ZNF521: variants seen among roughly 807,000 people sequenced by gnomAD.
The protein encoded by ZNF521 is LYST-interacting protein 3.
In ZNF521, 14 loss-of-function variants were observed where a neutral mutation model predicts 105.5. The observed-to-expected ratio is 0.13, with a 90% CI of 0.09 to 0.21. The LOEUF is 0.21. Ranked by LOEUF, ZNF521 falls within the 10% of genes least tolerant of loss-of-function variation. The probability of loss-of-function intolerance (pLI) is 1.00; values close to 1 mark genes in which losing one functional copy is unlikely to be tolerated. For missense variants in ZNF521, 1,233 were observed against 1,629.7 expected (o/e 0.76, Z 4.19); for synonymous variants, 635 against 606.0 (o/e 1.05, Z -0.70).
At chr18:25,349,241 C>T (rs1598498789) in intron 2 of ZNF521, among the ~76,000 whole-genome samples, 1 of 152,144 alleles carries the variant, frequency 6.6e-6, no homozygotes, top group African/African-American at 2.4e-5. Context: ...TCAAGAAAGC[C>T]GGGGTCTCGG....
Position 25,125,195 on chromosome 18 carries a change from A to T in ZNF521, c.3659-33114T>A, listed in dbSNP as rs57573635. Among the ~76,000 whole-genome samples, 257 of 152,212 alleles carry T rather than the reference A, an allele frequency of 1.7e-3. 3 individuals carry two copies. Among genetic ancestry groups the T allele is most frequent in the African/African-American group, 5.8e-3 (240 of 41,554 alleles). ...TGGATTTTCTTCTGTTTTTATTTTC[A>T]GTGAAATTTGAATCTTATCTAGCCA... On this transcript the variant is annotated intron_variant, in intron 5 of 7. Coordinates refer to ENST00000361524, the MANE Select transcript of ZNF521 (RefSeq NM_015461.3).
intron 5 of ZNF521, among the ~76,000 whole-genome samples, chr18:25,151,901 A>C (rs1038593004): frequency 6.6e-6 from 1 of 152,206 alleles, no homozygotes; most frequent in African/African-American, 2.4e-5. Context: ...TGAACAAAAG[A>C]TCTAAGCAAA....
intron 4 of ZNF521, among the ~76,000 whole-genome samples, chr18:25,196,940 C>G (rs887588108): frequency 1.3e-5 from 2 of 151,698 alleles, no homozygotes; most frequent in Non-Finnish European, 3.0e-5. Flanking sequence ...CTTGTTAGCA[C>G]AGTAAAACAT....
At position 25,160,995 on chromosome 18, in the gene ZNF521, G is replaced by A. The variant is rs568267344; in HGVS notation, c.3658+34165C>T. ...CTCCTGAGGCCCCTGGCTCAGCTGT[G>A]GCAAGCTAATAAGGTGACCCTGAAG... On this transcript the variant is annotated intron_variant, in intron 5 of 7. Coordinates refer to ENST00000361524, the MANE Select transcript of ZNF521 (RefSeq NM_015461.3). 2.0e-4 allele frequency among the ~76,000 whole-genome samples: 30 copies of A among 152,182 alleles called. No homozygotes were observed. The East Asian group carries it at 4.1e-3, about 21-fold the overall frequency.
intron 3 of ZNF521, among the ~76,000 whole-genome samples, chr18:25,244,475 CTGT>C (rs758457887): frequency 3.3e-5 from 5 of 152,138 alleles, no homozygotes; most frequent in Non-Finnish European, 7.4e-5. Flanking sequence ...GCCACTCCTC[CTGT>C]TCTAGAGGAG....
At chr18:25,147,598 T>C (rs920693594) in intron 5 of ZNF521, among the ~76,000 whole-genome samples, 6 of 152,182 alleles carry the variant, frequency 3.9e-5, no homozygotes, top group African/African-American at 1.2e-4. Context: ...TTATTTAATA[T>C]TGATCTTTAA....
chr18:25,258,978 C>T (rs1318265466), intron 3 of ZNF521, among the ~76,000 whole-genome samples: 1 of 152,130 alleles, frequency 6.6e-6, no homozygotes, highest in African/African-American at 2.4e-5. Context: ...ATGTCATTTA[C>T]ACTTCACAAA....
In ZNF521 at chr18:25,226,619, T is replaced by C; in HGVS notation, c.1299A>G (p.Pro433=). The change falls in exon 4 of 8, where the codon CCA becomes CCG. Residue 433 remains proline (P), a synonymous_variant. Transcript: ENST00000361524. The surrounding 1 kb of genome is among the most constrained non-coding windows in gnomAD (Gnocchi z 4.1). ...AATACTGACAAATATGGGCCTGTTC[T>C]GGCTTATCTAAGTGCATAGTTTTCA... The part of the protein sequence containing the change: ...IHLKTMHLDK[P]EQAHICQYCL... 6.2e-7 allele frequency: 1 copy of C among 1,614,222 alleles called. No homozygotes were observed. The highest frequency in any genetic ancestry group is 8.5e-7 in the Non-Finnish European group (1 of 1,180,036).
At chr18:25,317,029 G>C (rs1444626846) in intron 3 of ZNF521, among the ~76,000 whole-genome samples, 2 of 151,880 alleles carry the variant, frequency 1.3e-5, no homozygotes, top group Non-Finnish European at 2.9e-5. Context: ...TAACTTTTTT[G>C]TATTTTTAGT....
chr18:25,238,128 C>A (rs1907052730), intron 3 of ZNF521, among the ~76,000 whole-genome samples: 2 of 152,116 alleles, frequency 1.3e-5, no homozygotes, highest in Admixed American at 6.5e-5. Flanking sequence ...TATTAGAAAA[C>A]CCTCAAAGTC....
intron 4 of ZNF521, among the ~76,000 whole-genome samples, chr18:25,213,359 T>C (rs1445462103): frequency 2.0e-5 from 3 of 151,584 alleles, no homozygotes; most frequent in Non-Finnish European, 4.4e-5. Flanking sequence ...TTTTTGATCA[T>C]GAAAATATGT....
intron 5 of ZNF521, among the ~76,000 whole-genome samples, chr18:25,194,805 A>C (rs895883031): frequency 2.6e-4 from 40 of 151,848 alleles, no homozygotes; most frequent in Non-Finnish European, 5.8e-4. Flanking sequence ...TTACCATAAT[A>C]ACTTCTGAAA....
At chr18:25,200,159 T>C (rs1009747800) in intron 4 of ZNF521, among the ~76,000 whole-genome samples, 2 of 152,136 alleles carry the variant, frequency 1.3e-5, no homozygotes, top group Non-Finnish European at 2.9e-5. Flanking sequence ...AAATTTACAA[T>C]TACATTTTAG....
chr18:25,242,948 A>T (rs1907447916), intron 3 of ZNF521, among the ~76,000 whole-genome samples: 1 of 152,190 alleles, frequency 6.6e-6, no homozygotes, highest in Admixed American at 6.5e-5. Context: ...TTCTTCAACA[A>T]AAGAACCCCA....
chr18:25,251,655 A>G (rs1908125305), intron 3 of ZNF521, among the ~76,000 whole-genome samples: 1 of 152,220 alleles, frequency 6.6e-6, no homozygotes, highest in Non-Finnish European at 1.5e-5. Flanking sequence ...TTAGAGAAAC[A>G]ATGTCCCAGA....
At chr18:25,210,511 C>T (rs1366645124) in intron 4 of ZNF521, among the ~76,000 whole-genome samples, 3 of 152,264 alleles carry the variant, frequency 2.0e-5, no homozygotes, top group East Asian at 3.9e-4. Context: ...TTTTATAGGA[C>T]TTCGCCTGCC....
chr18:25,288,026 A>C (rs1380235477), intron 3 of ZNF521, among the ~76,000 whole-genome samples: 2 of 152,162 alleles, frequency 1.3e-5, no homozygotes, highest in Non-Finnish European at 2.9e-5. Flanking sequence ...AAAAGATATA[A>C]TACTGAAAAT....
At chr18:25,187,849 G>A (rs750390299) in intron 5 of ZNF521, among the ~76,000 whole-genome samples, 3 of 152,100 alleles carry the variant, frequency 2.0e-5, no homozygotes, top group Admixed American at 6.5e-5. Context: ...GTAACAGGGG[G>A]ATATGTGTCA....
chr18:25,322,525 G>T (rs1600305663), intron 2 of ZNF521, among the ~76,000 whole-genome samples: 1 of 102,314 alleles, frequency 9.8e-6, no homozygotes. Context: ...AAATTAAACA[G>T]TCTCCAATGC....
Sources: gnomAD v4.1 joint callset for allele counts (sites outside exome capture counted in the v4.1 genomes callset) on GRCh38, gnomAD v4.1.1 for gene constraint, Gnocchi (gnomAD v3.1) non-coding constraint, MANE v1.5 for transcripts, NCBI Gene and HGNC (gene_info 2026-07-23, HGNC 2026-07-21) for gene names.